Variants in SRGAP2B observed in about 807,000 individuals in gnomAD.
The protein encoded by SRGAP2B is SLIT-ROBO Rho GTPase activating protein 2B.
In SRGAP2B, 9 loss-of-function variants were observed where a neutral mutation model predicts 22.2. The ratio of observed to expected loss-of-function variants is 0.41; its 90% CI spans 0.24 to 0.71. The LOEUF is 0.71. SRGAP2B is among the 30% of genes least tolerant of loss of function. SRGAP2B has a pLI of 0.35. For missense variants in SRGAP2B, 114 were observed against 235.8 expected, an observed-to-expected ratio of 0.48 and a Z score of 3.38; for synonymous variants, 36 against 87.4, an observed-to-expected ratio of 0.41 and a Z score of 3.28.
chr1:144,940,870 C>A lies in SRGAP2B; in HGVS notation c.423+14569G>T, dbSNP rs1471686813. 1.6e-4 allele frequency among the ~76,000 whole-genome samples: 23 copies of A among 147,808 alleles called. 1 individual carries two copies. The highest frequency in any genetic ancestry group is 5.4e-4 in the African/African-American group (21 of 39,148). On this transcript the variant is annotated intron_variant, in intron 4 of 9. Transcript: ENST00000612199. Reference sequence around the variant, plus strand: ...AATATATGAAAAAGCTATGGGACAGCCAGACTACAGACTGCTGTATGATCA... The same window carrying A: ...AATATATGAAAAAGCTATGGGACAGACAGACTACAGACTGCTGTATGATCA...
At chr1:145,003,572 G>A (rs373562132) in intron 2 of SRGAP2B, among the ~76,000 whole-genome samples, 3 of 143,914 alleles carry the variant, frequency 2.1e-5, no homozygotes, top group Admixed American at 2.1e-4. Context: ...AGATAAAGGT[G>A]CAAGAGGAGG....
rs782364849 is a variant in SRGAP2B at position 144,955,498 on chromosome 1, T to G, written c.364A>C (p.Asn122His). The G allele has an allele frequency of 2.4e-5, 28 of 1,186,096 alleles. No homozygotes were observed. The South Asian group carries it at 3.2e-4, about 14-fold the overall frequency. The allele number at this position is 1,186,096 out of a possible 1,614,324, so 73.5% of individuals were successfully genotyped here. Reference sequence around the variant, plus strand: ...TGTACAAATCGAGGAATGATATTATTCAGGTAGATGTCACTCAGGGTGGTA... The same window carrying G: ...TGTACAAATCGAGGAATGATATTATGCAGGTAGATGTCACTCAGGGTGGTA... Residue 122 changes from asparagine (N) to histidine (H), a missense_variant, in exon 4 of 10, where the codon AAT becomes CAT. Asn to His is a moderately conservative substitution (Grantham distance 68). Around this residue, in one of 2 missense-constraint regions of SRGAP2B, gnomAD observed 95 missense variants for 139.0 expected, o/e 0.68. Coordinates refer to ENST00000612199, the Ensembl canonical transcript of SRGAP2B.
In SRGAP2B at chr1:144,930,745, C is replaced by T. The variant is rs587728330; in HGVS notation, c.424-15991G>A. 1.0e-4 allele frequency among the ~76,000 whole-genome samples: 15 copies of T among 149,120 alleles called. 1 individual carries two copies. The East Asian group carries it at 1.6e-3, about 16-fold the overall frequency. On this transcript the variant is annotated intron_variant, in intron 4 of 9. Transcript: ENST00000612199. ...ATTCTCTTTCCAATAAGTGGCCATACGCTGTTCATTTCTCCTTCATGATAT... is the reference window on the plus strand; with the variant it reads ...ATTCTCTTTCCAATAAGTGGCCATATGCTGTTCATTTCTCCTTCATGATAT...
chr1:144,995,053 T>C (rs1553618212), exon 3 of SRGAP2B: 2 of 1,543,790 alleles, frequency 1.3e-6, no homozygotes, highest in Non-Finnish European at 1.7e-6. Context: ...CAGGAAGCGT[T>C]CTGCCAGCTT....
At chr1:144,904,305 T>C (rs1486953661) in intron 7 of SRGAP2B, among the ~76,000 whole-genome samples, 31 of 135,976 alleles carry the variant, frequency 2.3e-4, no homozygotes, top group African/African-American at 8.2e-4. Context: ...AAACCTTAAA[T>C]GCTATACAAA....
chr1:144,965,951 A>C (rs1465644507), intron 3 of SRGAP2B, among the ~76,000 whole-genome samples: 14 of 150,898 alleles, frequency 9.3e-5, no homozygotes, highest in Admixed American at 6.6e-4. Flanking sequence ...AAAAAGAATA[A>C]AAAGAAATGA....
chr1:144,924,596 G>A (rs1183687085), intron 4 of SRGAP2B, among the ~76,000 whole-genome samples: 5 of 151,170 alleles, frequency 3.3e-5, no homozygotes, highest in Non-Finnish European at 7.4e-5. Flanking sequence ...GCCGGGCGTA[G>A]TGGCGGGCGC....
chr1:145,058,617 CTT>C (rs1158243067), intron 2 of SRGAP2B, among the ~76,000 whole-genome samples: 8 of 48,302 alleles, frequency 1.7e-4, no homozygotes, highest in Non-Finnish European at 1.9e-4. Flanking sequence ...CAGTCAATGT[CTT>C]TTTTTTTTTT....
rs6677904 is a variant in SRGAP2B at position 145,058,815 on chromosome 1, G to A, written c.67+34020C>T. On this transcript the variant is annotated intron_variant, in intron 2 of 9. Transcript: ENST00000612199. ...ATTTTTTTGTATTTTTAGTAGAGAC[G>A]AGGTTTCACCATGTTAGTCAGGCTG... Among the ~76,000 whole-genome samples the A allele has an allele frequency of 9.8e-5, 9 of 91,500 alleles. No individual in the cohort carries two copies. In the East Asian group the frequency reaches 1.6e-3, roughly 17 times the overall value. 60.0% of individuals were successfully genotyped at this position (91,500 alleles called of 152,430 possible).
At chr1:144,953,838 T>G in intron 4 of SRGAP2B, among the ~76,000 whole-genome samples, 1 of 150,874 alleles carries the variant, frequency 6.6e-6, no homozygotes, top group East Asian at 1.9e-4. Context: ...TTATAAAAGT[T>G]GTTTTCTCGG....
At chr1:144,942,461 C>T (rs1414029220) in intron 4 of SRGAP2B, among the ~76,000 whole-genome samples, 2 of 148,920 alleles carry the variant, frequency 1.3e-5, no homozygotes, top group East Asian at 4.0e-4. Context: ...GCTCTGTCAC[C>T]CATGCTGGAG....
intron 3 of SRGAP2B, among the ~76,000 whole-genome samples, chr1:144,969,826 G>C (rs1668363575): frequency 1.3e-5 from 2 of 150,786 alleles, no homozygotes; most frequent in African/African-American, 5.0e-5. Context: ...CCATCAAAAA[G>C]TGGGTGAAGG....
Position 144,906,053 on chromosome 1 carries a change from A to G in SRGAP2B, c.508T>C (p.Tyr170His), listed in dbSNP as rs1241610635. 2.5e-5 allele frequency: 18 copies of G among 707,920 alleles called. 1 individual carries two copies. The Admixed American group carries it at 3.5e-4, about 14-fold the overall frequency. 43.9% of individuals were successfully genotyped at this position (707,920 alleles called of 1,614,324 possible). ...TGAGCACTGATGCTGTCGGCATTGT[A>G]CATGTGATATGTCTTCATGACCTGC... Residue 170 changes from tyrosine to histidine, a missense_variant, in exon 6 of 10, where the codon TAC becomes CAC. Transcript: ENST00000612199.
chr1:145,093,652 CA>C (rs1336325520), intron 1 of SRGAP2B, among the ~76,000 whole-genome samples: 1 of 145,648 alleles, frequency 6.9e-6, no homozygotes. Context: ...CACTTTGGAG[CA>C]GCCGCCTGCG....
intron 2 of SRGAP2B, among the ~76,000 whole-genome samples, chr1:145,022,797 T>A (rs1571032038): frequency 1.3e-5 from 2 of 148,764 alleles, no homozygotes; most frequent in Admixed American, 1.3e-4. Context: ...CACCTCACTT[T>A]CACGGAGTAG....
intron 2 of SRGAP2B, among the ~76,000 whole-genome samples, chr1:145,019,902 G>C (rs1365376122): frequency 6.6e-6 from 1 of 150,902 alleles, no homozygotes; most frequent in African/African-American, 2.5e-5. Flanking sequence ...AGAGCACTCT[G>C]CTTCAGCCAC....
At chr1:144,920,735 A>C (rs1664181803) in intron 4 of SRGAP2B, among the ~76,000 whole-genome samples, 2 of 150,104 alleles carry the variant, frequency 1.3e-5, no homozygotes, top group South Asian at 4.2e-4. Context: ...AACTCACTAC[A>C]TTTATTTTAC....
intron 4 of SRGAP2B, among the ~76,000 whole-genome samples, chr1:144,931,496 T>C (rs1665179590): frequency 6.6e-6 from 1 of 150,622 alleles, no homozygotes; most frequent in East Asian, 1.9e-4. Context: ...ATGTATCAGT[T>C]TTTAAATTCA....
chr1:145,041,702 T>C (rs1490363091), intron 2 of SRGAP2B, among the ~76,000 whole-genome samples: 2 of 139,112 alleles, frequency 1.4e-5, no homozygotes, highest in Non-Finnish European at 3.0e-5. Context: ...ATCATGTCAC[T>C]CCCCTGCTTA....
Sources: gnomAD v4.1 joint callset for allele counts (sites outside exome capture counted in the v4.1 genomes callset) on GRCh38, gnomAD v4.1.1 for gene constraint, gnomAD v4.1.1 regional missense constraint, MANE v1.5 for transcripts, NCBI Gene and HGNC (gene_info 2026-07-23, HGNC 2026-07-21) for gene names.